Variants in NLRP5 observed in about 807,000 individuals in gnomAD.
NLRP5 encodes NLR family pyrin domain containing 5.
Under a neutral mutation model 113.1 loss-of-function variants are expected in NLRP5, and 93 were observed. That is an observed-to-expected ratio of 0.82 (90% confidence interval 0.70 to 0.98). NLRP5 has a LOEUF of 0.98. NLRP5 is among the 50% of genes least tolerant of loss of function. The probability of loss-of-function intolerance (pLI) is 0.00; values close to 1 mark genes in which losing one functional copy is unlikely to be tolerated. For synonymous variants in NLRP5, 751 were observed against 600.7 expected (o/e 1.25, Z -3.66); for missense variants, 1,808 against 1,514.3 (o/e 1.19, Z -3.22).
At position 56,028,517 on chromosome 19, in the gene NLRP5, C is replaced by T; in HGVS notation, c.2276+8C>T. ...TCCTGTGGTCCCTCTATGGTGAGTA[C>T]CCCAGGCAGTTTTATCCTATGCCGT... On this transcript the variant is annotated splice_region_variant and intron_variant, in intron 7 of 14. Transcript: ENST00000390649. 6.2e-7 allele frequency: 1 copy of T among 1,609,132 alleles called. No individual in the cohort carries two copies. The highest frequency in any genetic ancestry group is 8.5e-7 in the Non-Finnish European group (1 of 1,177,460).
chr19:56,004,303 G>A (rs898295379), intron 2 of NLRP5, among the ~76,000 whole-genome samples: 1 of 152,138 alleles, frequency 6.6e-6, no homozygotes, highest in African/African-American at 2.4e-5. Context: ...GAAATGGGTA[G>A]ACAACGGCTC....
Sources: gnomAD v4.1 joint callset for allele counts (sites outside exome capture counted in the v4.1 genomes callset) on GRCh38, gnomAD v4.1.1 for gene constraint, MANE v1.5 for transcripts, NCBI Gene and HGNC (gene_info 2026-07-23, HGNC 2026-07-21) for gene names.